The following RNPC3 variants were observed in gnomAD, a reference collection of about 807,000 sequenced individuals.
The protein encoded by RNPC3 is RNA-binding region-containing protein 3.
A neutral mutation model predicts 67.5 loss-of-function variants in RNPC3; 48 were observed. The ratio of observed to expected loss-of-function variants is 0.71; its 90% CI spans 0.56 to 0.90. RNPC3 has a LOEUF of 0.90. Ranked by LOEUF, RNPC3 falls within the 40% of genes least tolerant of loss-of-function variation. The pLI, the probability that RNPC3 is intolerant of heterozygous loss-of-function variation, is 0.00. For missense variants in RNPC3, 637 were observed against 626.1 expected (o/e 1.02, Z -0.19); for synonymous variants, 239 against 210.3 (o/e 1.14, Z -1.18).
chr1:103,536,419 T>G (rs1650988711), intron 6 of RNPC3, among the ~76,000 whole-genome samples: 1 of 152,180 alleles, frequency 6.6e-6, no homozygotes, highest in South Asian at 2.1e-4. Flanking sequence ...CATCCAGTGT[T>G]GTTAAGTTTT....
At chr1:103,533,686 G>A (rs562957585) in intron 2 of RNPC3, 53 bp from the exon 3 acceptor site, 154 of 929,830 alleles carry the variant, frequency 1.7e-4, no homozygotes, top group Non-Finnish European at 2.3e-4. Flanking sequence ...GGTCTCTAAC[G>A]AATCATTTTT....
chr1:103,535,189 T>C (rs1227352738), intron 4 of RNPC3, 141 bp from the exon 5 acceptor site: 2 of 568,880 alleles, frequency 3.5e-6, no homozygotes, highest in Non-Finnish European at 6.0e-6. Context: ...TTTTTAAATG[T>C]ACTTTGGATC....
Position 103,541,449 on chromosome 1 carries a change from G to T in RNPC3, c.867G>T (p.Leu289Phe). The change falls in exon 8 of 15, where the codon TTG becomes TTT. Residue 289 changes from leucine to phenylalanine, a missense_variant. Coordinates refer to ENST00000423855, the MANE Select transcript of RNPC3 (RefSeq NM_017619.4). ...VRKKRKIKDM[L>F]NTPLCPSHSS... ...AAAAGAGAAAAATAAAGGATATGTTGAATACACCTTTGTGTCCTTCACACA... is the reference window on the plus strand; with the variant it reads ...AAAAGAGAAAAATAAAGGATATGTTTAATACACCTTTGTGTCCTTCACACA... 6.7e-7 allele frequency: 1 copy of T among 1,495,606 alleles called. No homozygotes were observed. The highest frequency in any genetic ancestry group is 1.3e-5 in the South Asian group (1 of 78,096). 92.6% of individuals were successfully genotyped at this position (1,495,606 alleles called of 1,614,324 possible). A position where few individuals can be genotyped will look rare whatever the true frequency, so the allele number is the denominator to read the frequency against.
chr1:103,547,044 C>G lies in RNPC3; in HGVS notation c.1361+9C>G. The G allele has an allele frequency of 7.0e-7, 1 of 1,424,230 alleles. No individual in the cohort carries two copies. The highest frequency in any genetic ancestry group is 9.4e-7 in the Non-Finnish European group (1 of 1,063,750). 88.2% of individuals were successfully genotyped at this position (1,424,230 alleles called of 1,614,324 possible). On this transcript the variant is annotated intron_variant, in intron 12 of 14. Transcript: ENST00000423855. ...GAAACACAGCGGATCATGTAAGTGA[C>G]AGTAAAATACAATCTTCAATTATAT...
Position 103,545,073 on chromosome 1 carries a change from A to T in RNPC3, c.1178A>T (p.Glu393Val), listed in dbSNP as rs1043402664. 3 of 1,533,528 alleles carry T rather than the reference A, an allele frequency of 2.0e-6. No homozygotes were observed. In the African/African-American group the frequency reaches 4.1e-5, roughly 21 times the overall value. 95.0% of individuals were successfully genotyped at this position (1,533,528 alleles called of 1,614,324 possible). The change falls in exon 10 of 15, where the codon GAA (glutamate) becomes GTA (valine). Residue 393 changes from glutamate (E) to valine (V), a missense_variant. By Grantham distance (121) the Glu-to-Val change is moderately radical. Transcript: ENST00000423855. ...CCTTCAGAATGTATTTCTAGAAGGG[A>T]ATTGGAAAAGGGCAGAATTTCTAGA... ...EMPSECISRR[E>V]LEKGRISREE...
intron 11 of RNPC3, 173 bp downstream of exon 11, chr1:103,546,515 C>T: frequency 2.6e-6 from 1 of 389,296 alleles, no homozygotes; most frequent in Non-Finnish European, 4.5e-6. Context: ...TAAAATAATA[C>T]TCTCATAGCT....
chr1:103,543,913 C>T (rs1651182943), intron 9 of RNPC3, among the ~76,000 whole-genome samples: 1 of 151,672 alleles, frequency 6.6e-6, no homozygotes, highest in South Asian at 2.1e-4. Flanking sequence ...GAATACTATT[C>T]TTAAGTTTAA....
chr1:103,527,785 C>G (rs751233135), intron 2 of RNPC3, 43 bp downstream of exon 2: 104 of 1,350,310 alleles, frequency 7.7e-5, no homozygotes, highest in Non-Finnish European at 1.0e-4. Context: ...ACAGGATCCT[C>G]TTATACAATC....
At chr1:103,535,283 A>G (rs1203889039) in intron 4 of RNPC3, 47 bp from the exon 5 acceptor site, 3 of 1,244,618 alleles carry the variant, frequency 2.4e-6, no homozygotes, top group East Asian at 5.1e-5. Context: ...AGTTACTGAT[A>G]TGAAATTATG....
chr1:103,546,065 A>G (rs1285562220), intron 10 of RNPC3, 183 bp from the exon 11 acceptor site: 9 of 314,310 alleles, frequency 2.9e-5, no homozygotes, highest in Non-Finnish European at 5.2e-5. Flanking sequence ...TTTATGTAAT[A>G]TTGTTACTAA....
chr1:103,534,734 T>C, intron 3 of RNPC3, 40 bp from the exon 4 acceptor site: 1 of 1,211,560 alleles, frequency 8.3e-7, no homozygotes, highest in Non-Finnish European at 1.1e-6. Context: ...TTTTTCACCC[T>C]TTGGAAAGAT....
At chr1:103,534,920 T>C (rs1041892668) in intron 4 of RNPC3, 63 bp downstream of exon 4, 2 of 931,396 alleles carry the variant, frequency 2.1e-6, no homozygotes, top group African/African-American at 1.7e-5. Flanking sequence ...TGTACAGATA[T>C]CTTACTGCTT....
At chr1:103,550,827 T>A (rs986024264) in intron 12 of RNPC3, 114 bp from the exon 13 acceptor site, 43 of 980,730 alleles carry the variant, frequency 4.4e-5, no homozygotes, top group Non-Finnish European at 6.6e-5. Context: ...TTGACGTGCC[T>A]ATCAAATAGT....
At chr1:103,526,891 G>C (rs1293682178) in intron 1 of RNPC3, among the ~76,000 whole-genome samples, 1 of 152,046 alleles carries the variant, frequency 6.6e-6, no homozygotes, top group Non-Finnish European at 1.5e-5. Context: ...AATAGCGATG[G>C]TGCAAGACTC....
At chr1:103,529,582 T>G (rs1650794287) in intron 2 of RNPC3, among the ~76,000 whole-genome samples, 1 of 152,028 alleles carries the variant, frequency 6.6e-6, no homozygotes, top group African/African-American at 2.4e-5. Flanking sequence ...CATAAATCTT[T>G]GAAAATAAGA....
chr1:103,539,822 C>G (rs1184340740), intron 7 of RNPC3, among the ~76,000 whole-genome samples: 1 of 152,102 alleles, frequency 6.6e-6, no homozygotes, highest in Admixed American at 6.6e-5. Context: ...CAGTATGATA[C>G]CACATATGGC....
intron 12 of RNPC3, among the ~76,000 whole-genome samples, chr1:103,547,432 A>G (rs191335416): frequency 3.3e-5 from 5 of 152,254 alleles, no homozygotes; most frequent in Admixed American, 2.6e-4. Flanking sequence ...AGACTTTAAC[A>G]TTGCATAAGA....
intron 7 of RNPC3, among the ~76,000 whole-genome samples, chr1:103,539,412 C>G (rs1651066752): frequency 6.6e-6 from 1 of 152,174 alleles, no homozygotes; most frequent in African/African-American, 2.4e-5. Context: ...CACTATCTGT[C>G]TTAAAAAGAG....
chr1:103,525,924 C>T lies in RNPC3; in HGVS notation c.-147C>T. The T allele has an allele frequency of 1.5e-6, 1 of 670,206 alleles. No homozygotes were observed. The highest frequency in any genetic ancestry group is 2.5e-6 in the Non-Finnish European group (1 of 405,030). The allele number at this position is 670,206 out of a possible 1,614,324, so 41.5% of individuals were successfully genotyped here. ...CCGCTTTTCGGTGGCGCAGTTCTCGCGAGAAGGTGACTTTCTTTCTCGGTA... is the reference window on the plus strand; with the variant it reads ...CCGCTTTTCGGTGGCGCAGTTCTCGTGAGAAGGTGACTTTCTTTCTCGGTA... On this transcript the variant is annotated 5_prime_UTR_variant, in exon 1 of 15. Transcript: ENST00000423855.
Sources: allele counts gnomAD v4.1 joint callset (sites outside exome capture counted in the v4.1 genomes callset), GRCh38; gene constraint gnomAD v4.1.1; transcripts MANE v1.5; gene names NCBI Gene and HGNC (gene_info 2026-07-23, HGNC 2026-07-21).